PDE4D: variants seen among roughly 807,000 people sequenced by gnomAD.
PDE4D encodes phosphodiesterase 4D.
PDE4D carries 24 observed loss-of-function variants against 87.4 expected under a neutral mutation model. The observed-to-expected ratio is 0.27, with a 90% CI of 0.20 to 0.39. PDE4D has a LOEUF of 0.39. Ranked by LOEUF, PDE4D falls within the 10% of genes least tolerant of loss-of-function variation. PDE4D has a pLI of 1.00. For missense variants in PDE4D, 714 were observed against 1,041.0 expected (o/e 0.69, Z 4.32); for synonymous variants, 384 against 383.2 (o/e 1.00, Z -0.02).
At chr5:60,276,208 T>A (rs1200155152) in intron 1 of PDE4D, among the ~76,000 whole-genome samples, 1 of 152,204 alleles carries the variant, frequency 6.6e-6, no homozygotes, top group Non-Finnish European at 1.5e-5. Flanking sequence ...GTTCTATCAA[T>A]TGTTGAGAAA....
At chr5:59,688,771 T>C (rs929056493) in intron 1 of PDE4D, among the ~76,000 whole-genome samples, 1 of 152,000 alleles carries the variant, frequency 6.6e-6, no homozygotes, top group Non-Finnish European at 1.5e-5. Context: ...AAAAAATCAA[T>C]GAATCCAGGA....
intron 1 of PDE4D, among the ~76,000 whole-genome samples, chr5:60,425,119 T>C (rs538495059): frequency 1.3e-5 from 2 of 152,330 alleles, no homozygotes; most frequent in African/African-American, 4.8e-5. Context: ...CAAGGTAATT[T>C]ATAGATTCAA....
At chr5:60,201,391 T>C (rs1741887020) in intron 1 of PDE4D, among the ~76,000 whole-genome samples, 1 of 152,020 alleles carries the variant, frequency 6.6e-6, no homozygotes, top group Admixed American at 6.6e-5. Context: ...TTTAGAAAGG[T>C]AGAGGGACTA....
At chr5:60,187,319 A>T (rs1784864290) in intron 1 of PDE4D, among the ~76,000 whole-genome samples, 1 of 152,228 alleles carries the variant, frequency 6.6e-6, no homozygotes, top group South Asian at 2.1e-4. Context: ...AGGTCCCAGA[A>T]AATGCAGAAT....
intron 3 of PDE4D, among the ~76,000 whole-genome samples, chr5:59,919,479 T>C (rs1399790707): frequency 2.0e-5 from 3 of 152,214 alleles, no homozygotes; most frequent in African/African-American, 7.2e-5. Context: ...GGATTAACTG[T>C]ATCTGTACTT....
At chr5:60,240,324 A>G (rs1159495818) in intron 1 of PDE4D, among the ~76,000 whole-genome samples, 1 of 152,066 alleles carries the variant, frequency 6.6e-6, no homozygotes, top group Admixed American at 6.6e-5. Context: ...CACCTTCAGA[A>G]GAACCAAAAA....
intron 1 of PDE4D, among the ~76,000 whole-genome samples, chr5:59,780,354 T>C (rs1038053224): frequency 2.6e-5 from 4 of 152,178 alleles, no homozygotes; most frequent in Non-Finnish European, 5.9e-5. Flanking sequence ...AATGGGAAGA[T>C]GTATTTCACA....
intron 1 of PDE4D, among the ~76,000 whole-genome samples, chr5:59,676,693 T>G (rs1748146119): frequency 6.6e-6 from 1 of 152,194 alleles, no homozygotes; most frequent in Admixed American, 6.5e-5. Flanking sequence ...ACATAATAAT[T>G]GTACGTAGGG....
intron 2 of PDE4D, among the ~76,000 whole-genome samples, chr5:60,053,466 G>GT (rs1422386348): frequency 1.3e-5 from 2 of 152,188 alleles, no homozygotes; most frequent in East Asian, 3.8e-4. Flanking sequence ...AATAAATGGT[G>GT]TTGGGGAAAC....
At chr5:60,517,684 C>T (rs1750863162) in intron 1 of PDE4D, among the ~76,000 whole-genome samples, 1 of 152,062 alleles carries the variant, frequency 6.6e-6, no homozygotes, top group Non-Finnish European at 1.5e-5. Flanking sequence ...CTTGACAGGA[C>T]AACCTGCCTG....
chr5:59,773,075 G>C (rs1384674756), intron 1 of PDE4D, among the ~76,000 whole-genome samples: 5 of 152,120 alleles, frequency 3.3e-5, no homozygotes, highest in Non-Finnish European at 7.4e-5. Flanking sequence ...TAACCACCCA[G>C]TAAATAAAAA....
intron 1 of PDE4D, among the ~76,000 whole-genome samples, chr5:59,346,598 C>T (rs1047385257): frequency 1.3e-5 from 2 of 152,006 alleles, no homozygotes; most frequent in South Asian, 2.1e-4. Context: ...TCAGTTTACA[C>T]GGATTTGCTT....
At chr5:59,077,617 G>A (rs1254134146) in intron 5 of PDE4D, among the ~76,000 whole-genome samples, 6 of 151,780 alleles carry the variant, frequency 4.0e-5, no homozygotes, top group African/African-American at 7.3e-5. Context: ...GCAGGCACAC[G>A]CCACCACGCC....
At chr5:60,464,834 G>A (rs1197029006) in intron 1 of PDE4D, among the ~76,000 whole-genome samples, 1 of 152,224 alleles carries the variant, frequency 6.6e-6, no homozygotes, top group African/African-American at 2.4e-5. Flanking sequence ...AGGCATGGCA[G>A]CTCACACCTG....
chr5:59,480,201 T>G (rs1804009058), intron 1 of PDE4D, among the ~76,000 whole-genome samples: 1 of 146,824 alleles, frequency 6.8e-6, no homozygotes. Context: ...CCAAGCTTTT[T>G]TTTTTAATTC....
At chr5:59,631,415 C>T (rs1156767434) in intron 1 of PDE4D, among the ~76,000 whole-genome samples, 2 of 152,020 alleles carry the variant, frequency 1.3e-5, no homozygotes. Flanking sequence ...TTTGTGGAGA[C>T]AAAAATTTTA....
At chr5:60,350,137 G>A (rs982195462) in intron 1 of PDE4D, among the ~76,000 whole-genome samples, 5 of 152,052 alleles carry the variant, frequency 3.3e-5, no homozygotes, top group African/African-American at 1.2e-4. Context: ...AATACCACAG[G>A]AGTTCACTCC....
At chr5:60,270,033 T>C (rs1308679230) in intron 1 of PDE4D, among the ~76,000 whole-genome samples, 1 of 152,090 alleles carries the variant, frequency 6.6e-6, no homozygotes, top group Admixed American at 6.5e-5. Context: ...ACGGAACACA[T>C]GCTAAAGGGA....
chr5:59,231,289 T>G (rs1281425013), intron 1 of PDE4D, among the ~76,000 whole-genome samples: 2 of 152,218 alleles, frequency 1.3e-5, no homozygotes, highest in African/African-American at 4.8e-5. Flanking sequence ...GCTTGTTGTC[T>G]GCCATATTCC....
Sources: gnomAD v4.1 joint callset for allele counts (sites outside exome capture counted in the v4.1 genomes callset) on GRCh38, gnomAD v4.1.1 for gene constraint, MANE v1.5 for transcripts, NCBI Gene and HGNC (gene_info 2026-07-23, HGNC 2026-07-21) for gene names.